The following CNTRL variants were observed in gnomAD, a reference collection of about 807,000 sequenced individuals.
CNTRL encodes centriolin, also known as 110 kDa centrosomal protein.
A neutral mutation model predicts 303.7 loss-of-function variants in CNTRL; 233 were observed. The observed-to-expected ratio is 0.77, with a 90% CI of 0.69 to 0.86. The LOEUF (loss-of-function observed/expected upper bound fraction) is 0.86, where lower values mean the gene tolerates loss of function less well. CNTRL is among the 40% of genes least tolerant of loss of function. CNTRL has a pLI of 0.00. For synonymous variants in CNTRL, 900 were observed against 922.2 expected (o/e 0.98, Z 0.44); for missense variants, 2,524 against 2,650.6 (o/e 0.95, Z 1.05).
At chr9:121,095,125 A>G in intron 5 of CNTRL, 107 bp downstream of exon 5, 1 of 843,570 alleles carries the variant, frequency 1.2e-6, no homozygotes, top group South Asian at 2.0e-5. Flanking sequence ...GAAACAGAAG[A>G]TATTTTTATC....
At chr9:121,101,959 T>C (rs2049194362) in intron 7 of CNTRL, among the ~76,000 whole-genome samples, 1 of 152,176 alleles carries the variant, frequency 6.6e-6, no homozygotes, top group Admixed American at 6.5e-5. Flanking sequence ...CACAGCTGAA[T>C]TCTACCAGAG....
chr9:121,132,461 T>C (rs959554660), intron 14 of CNTRL, among the ~76,000 whole-genome samples: 5 of 152,238 alleles, frequency 3.3e-5, no homozygotes, highest in Non-Finnish European at 4.4e-5. Flanking sequence ...GTAGTTCTCA[T>C]GCCATGGTTT....
chr9:121,119,729 C>T, intron 12 of CNTRL, among the ~76,000 whole-genome samples: 1 of 150,444 alleles, frequency 6.6e-6, no homozygotes, highest in East Asian at 2.0e-4. Context: ...CTCCTGACCT[C>T]CTGATCTGCC....
At position 121,135,968 on chromosome 9, in the gene CNTRL, A is replaced by G. The variant is rs1187661901; in HGVS notation, c.2188A>G (p.Thr730Ala). The G allele has an allele frequency of 6.2e-6, 10 of 1,609,604 alleles. No individual in the cohort carries two copies. Among genetic ancestry groups the G allele is most frequent in the Non-Finnish European group, 8.5e-6 (10 of 1,176,714 alleles). The change falls in exon 15 of 44, where the codon ACA (threonine) becomes GCA (alanine). Residue 730 changes from threonine to alanine, a missense_variant. Coordinates refer to ENST00000373855, the MANE Select transcript of CNTRL (RefSeq NM_007018.6). ...NQLKEELEKVTRLTQLEQSAL... is the reference protein window; with the variant it reads ...NQLKEELEKVARLTQLEQSAL... ...GCTCAAGGAAGAGTTGGAAAAAGTA[A>G]CAAGACTTACCCAGGTAAGTAGGAG...
At position 121,135,830 on chromosome 9, in the gene CNTRL, C is replaced by A; in HGVS notation, c.2050C>A (p.Leu684Ile). 6.2e-7 allele frequency: 1 copy of A among 1,613,140 alleles called. No homozygotes were observed. Among genetic ancestry groups the A allele is most frequent in the South Asian group, 1.1e-5 (1 of 90,944 alleles). ...GGAGCTTGCAGAGCTAGAAAGTGCC[C>A]TCCAAGAGCAGCATGAGGTGAATGC... is the stretch of plus-strand genomic sequence containing the variant. ...RKELAELESA[L>I]QEQHEVNASL... Residue 684 changes from leucine to isoleucine, a missense_variant, in exon 15 of 44, where the codon CTC (leucine) becomes ATC (isoleucine). Coordinates refer to ENST00000373855, the MANE Select transcript of CNTRL (RefSeq NM_007018.6).
intron 24 of CNTRL, 37 bp from the exon 25 acceptor site, chr9:121,150,132 CT>C: frequency 1.1e-5 from 17 of 1,534,494 alleles, no homozygotes; most frequent in Non-Finnish European, 1.5e-5. Context: ...GTAAAACACT[CT>C]TTTGTTGAAT....
chr9:121,152,448 T>G (rs1258009987), intron 25 of CNTRL, 37 bp from the exon 26 acceptor site: 2 of 1,522,886 alleles, frequency 1.3e-6, no homozygotes, highest in Non-Finnish European at 9.1e-7. Context: ...CATCCTGTGA[T>G]GTTTCAGCAC....
At chr9:121,088,247 G>T in intron 2 of CNTRL, 49 bp from the exon 3 acceptor site, 1 of 898,318 alleles carries the variant, frequency 1.1e-6, no homozygotes. Context: ...GAATAGTTTT[G>T]ATAACTCTTA....
intron 14 of CNTRL, among the ~76,000 whole-genome samples, chr9:121,133,795 A>G (rs1363382119): frequency 6.6e-6 from 1 of 152,174 alleles, no homozygotes; most frequent in Non-Finnish European, 1.5e-5. Context: ...ACGGGATTCA[A>G]TTTTATATAT....
chr9:121,081,336 G>A (rs1212412545), intron 2 of CNTRL, among the ~76,000 whole-genome samples: 5 of 152,192 alleles, frequency 3.3e-5, no homozygotes, highest in Admixed American at 6.5e-5. Flanking sequence ...ACATGTAAGG[G>A]TTGTTGCCCC....
At position 121,177,291 on chromosome 9, in the gene CNTRL, T is replaced by C. The variant is rs536174060; in HGVS notation, c.*105T>C. The C allele has an allele frequency of 9.6e-4, 921 of 957,764 alleles. 13 individuals are homozygous for C. The highest frequency in any genetic ancestry group is 3.1e-4 in the Non-Finnish European group (186 of 608,798). The allele number at this position is 957,764 out of a possible 1,614,324, so 59.3% of individuals were successfully genotyped here. A position where few individuals can be genotyped will look rare whatever the true frequency, so the allele number is the denominator to read the frequency against. ...TTTTTTTAATCAAGATGCAGTGAAC[T>C]GAGATTCTGAAACTCCACTGTAGTT... is the stretch of plus-strand genomic sequence containing the variant. On this transcript the variant is annotated 3_prime_UTR_variant, in exon 44 of 44. Transcript: ENST00000373855.
At chr9:121,134,607 A>G (rs1344948785) in intron 14 of CNTRL, among the ~76,000 whole-genome samples, 1 of 152,104 alleles carries the variant, frequency 6.6e-6, no homozygotes, top group Non-Finnish European at 1.5e-5. Context: ...AAGGTCCTCT[A>G]ATATCTGAAC....
intron 22 of CNTRL, among the ~76,000 whole-genome samples, 190 bp downstream of exon 22, chr9:121,145,575 G>A (rs2134087686): frequency 6.6e-6 from 1 of 152,300 alleles, no homozygotes; most frequent in East Asian, 1.9e-4. Context: ...GTGTGTTACT[G>A]GGGGACTTGG....
intron 40 of CNTRL, among the ~76,000 whole-genome samples, chr9:121,172,666 G>A (rs922927229): frequency 6.6e-6 from 1 of 151,898 alleles, no homozygotes; most frequent in African/African-American, 2.4e-5. Context: ...AAACAAAAAT[G>A]TATATTGCCA....
Position 121,166,123 on chromosome 9 carries a change from A to G in CNTRL, c.5598A>G (p.Val1866=), listed in dbSNP as rs757144091. ...QQQLQEKREA[V]NSLQEELANV... ...TTTCTTTAGAAAAACGAGAAGCAGT[A>G]AACTCACTGCAGGAGGAACTAGCTA... is the stretch of plus-strand genomic sequence containing the variant. The change falls in exon 36 of 44, where the codon GTA becomes GTG. Residue 1866 remains valine (V), a synonymous_variant. Coordinates refer to ENST00000373855, the MANE Select transcript of CNTRL (RefSeq NM_007018.6). 3 of 1,611,346 alleles carry G rather than the reference A, an allele frequency of 1.9e-6. No homozygotes were observed. The South Asian group carries it at 3.3e-5, about 18-fold the overall frequency.
chr9:121,115,002 T>A, intron 10 of CNTRL, 89 bp from the exon 11 acceptor site: 3 of 757,724 alleles, frequency 4.0e-6, no homozygotes, highest in Non-Finnish European at 6.5e-6. Flanking sequence ...GGGAGAAGGT[T>A]ATTACAAAGA....
chr9:121,092,819 T>A (rs535526288), intron 4 of CNTRL, among the ~76,000 whole-genome samples: 679 of 1,886 alleles, frequency 0.36, 140 homozygotes, highest in Admixed American at 0.41. Context: ...ATATATATAT[T>A]TTTTTTTTTT....
chr9:121,081,097 G>A (rs1268105700), intron 2 of CNTRL, among the ~76,000 whole-genome samples: 1 of 152,168 alleles, frequency 6.6e-6, no homozygotes, highest in Admixed American at 6.5e-5. Context: ...GCCTCTCTGT[G>A]CAGCATTCCT....
At position 121,167,657 on chromosome 9, in the gene CNTRL, A is replaced by C; in HGVS notation, c.5824A>C (p.Lys1942Gln). The C allele has an allele frequency of 6.2e-7, 1 of 1,614,030 alleles. No individual in the cohort carries two copies. Among genetic ancestry groups the C allele is most frequent in the Non-Finnish European group, 8.5e-7 (1 of 1,179,940 alleles). ...LQNEIEENKL[K>Q]LVQQEMMFQR... ...GAATGAGATTGAAGAAAACAAGCTC[A>C]AACTAGTCCAACAAGAAATGGTACT... Residue 1942 changes from lysine (K) to glutamine (Q), a missense_variant, in exon 37 of 44, where the codon AAA (lysine) becomes CAA (glutamine). Transcript: ENST00000373855.
Sources: gnomAD v4.1 joint callset for allele counts (sites outside exome capture counted in the v4.1 genomes callset) on GRCh38, gnomAD v4.1.1 for gene constraint, MANE v1.5 for transcripts, NCBI Gene and HGNC (gene_info 2026-07-23, HGNC 2026-07-21) for gene names.